Variants in KLHL14 observed in about 807,000 individuals in gnomAD.
The protein encoded by KLHL14 is kelch-like protein 14.
A neutral mutation model predicts 64.3 loss-of-function variants in KLHL14; 22 were observed. The observed-to-expected ratio is 0.34, with a 90% CI of 0.24 to 0.49. The LOEUF (loss-of-function observed/expected upper bound fraction) is 0.49, where lower values mean the gene tolerates loss of function less well. Among genes scored for constraint, KLHL14 ranks in the 20% least tolerant of loss-of-function variants. The probability of loss-of-function intolerance (pLI) is 0.99; values close to 1 mark genes in which losing one functional copy is unlikely to be tolerated. For synonymous variants in KLHL14, 322 were observed against 333.4 expected (o/e 0.97, Z 0.37); for missense variants, 661 against 789.0 (o/e 0.84, Z 1.94).
chr18:32,685,236 G>C (rs2049871276), intron 5 of KLHL14, among the ~76,000 whole-genome samples: 1 of 152,092 alleles, frequency 6.6e-6, no homozygotes, highest in Non-Finnish European at 1.5e-5. Context: ...GTGCCTCAGA[G>C]GAAGTCATTA....
chr18:32,708,337 G>C (rs17665504), intron 3 of KLHL14, among the ~76,000 whole-genome samples: 31,410 of 152,050 alleles, frequency 0.21, 3,779 homozygotes, highest in Non-Finnish European at 0.27. Flanking sequence ...ATTCCATAGG[G>C]ACATTTGCAA....
At chr18:32,728,248 G>A (rs2050117339) in intron 3 of KLHL14, among the ~76,000 whole-genome samples, 1 of 152,144 alleles carries the variant, frequency 6.6e-6, no homozygotes, top group African/African-American at 2.4e-5. Flanking sequence ...GTTAACTACA[G>A]TAATGAGAAA....
At chr18:32,714,720 T>C (rs992799556) in intron 3 of KLHL14, among the ~76,000 whole-genome samples, 1 of 152,110 alleles carries the variant, frequency 6.6e-6, no homozygotes, top group Non-Finnish European at 1.5e-5. Flanking sequence ...ACTGCAGCAA[T>C]TTTGAACTGA....
chr18:32,727,756 A>G (rs76684083), intron 3 of KLHL14, among the ~76,000 whole-genome samples: 1 of 152,380 alleles, frequency 6.6e-6, no homozygotes, highest in Non-Finnish European at 1.5e-5. Flanking sequence ...GTTAATGATT[A>G]TGGTAATGAA....
chr18:32,739,167 T>G (rs2144527688), intron 3 of KLHL14, among the ~76,000 whole-genome samples: 1 of 152,242 alleles, frequency 6.6e-6, no homozygotes, highest in East Asian at 1.9e-4. Context: ...GGGGACTGTC[T>G]CCTACCTTTA....
At chr18:32,688,543 G>A (rs1320512532) in intron 4 of KLHL14, among the ~76,000 whole-genome samples, 1 of 152,220 alleles carries the variant, frequency 6.6e-6, no homozygotes. Flanking sequence ...GCTCACAGAT[G>A]TCTTCTGCAA....
chr18:32,715,085 A>G (rs951352815), intron 3 of KLHL14, among the ~76,000 whole-genome samples: 3 of 152,170 alleles, frequency 2.0e-5, no homozygotes, highest in Non-Finnish European at 4.4e-5. Flanking sequence ...AGAAACTCAT[A>G]TGTACAGACA....
chr18:32,741,901 G>GAATA (rs766221859), intron 3 of KLHL14, 27 bp downstream of exon 3: 6 of 1,537,584 alleles, frequency 3.9e-6, no homozygotes, highest in South Asian at 2.5e-5. Flanking sequence ...ATAGGTGAGT[G>GAATA]AATAAATAAA....
chr18:32,762,458 C>T (rs764728931), intron 2 of KLHL14, among the ~76,000 whole-genome samples: 8 of 151,894 alleles, frequency 5.3e-5, no homozygotes, highest in Non-Finnish European at 7.4e-5. Flanking sequence ...TTGCATTTTT[C>T]TTACTTCTTG....
chr18:32,683,802 G>A lies in KLHL14; in HGVS notation c.1239-3203C>T, dbSNP rs528438167. 1.3e-5 allele frequency among the ~76,000 whole-genome samples: 2 copies of A among 152,224 alleles called. No individual in the cohort carries two copies. The highest frequency in any genetic ancestry group is 1.9e-4 in the East Asian group (1 of 5,178). On this transcript the variant is annotated intron_variant, in intron 5 of 8. Transcript: ENST00000359358. The surrounding 1 kb of genome is among the most constrained non-coding windows in gnomAD (Gnocchi z 4.2). ...AGTTTATATCCTAAAGCATGAGATTGGATTACTATATCCTTACCCTGCTTG... is the reference window on the plus strand; with the variant it reads ...AGTTTATATCCTAAAGCATGAGATTAGATTACTATATCCTTACCCTGCTTG...
rs747426965 is a variant in KLHL14 at position 32,769,940 on chromosome 18, A to G, written c.652T>C (p.Phe218Leu). 6 of 1,614,014 alleles carry G rather than the reference A, an allele frequency of 3.7e-6. No individual in the cohort carries two copies. Among genetic ancestry groups the G allele is most frequent in the Non-Finnish European group, 5.1e-6 (6 of 1,180,030 alleles). ...YLVEDVLLLN[F>L]EEMRALLDSL... ...TCCAGCAGGGCGCGCATCTCCTCGA[A>G]GTTGAGCAGCAGCACATCCTCCACC... is the stretch of plus-strand genomic sequence containing the variant. The change falls in exon 2 of 9, where the codon TTC becomes CTC. Residue 218 changes from phenylalanine (F) to leucine (L), a missense_variant. By Grantham distance (22) the Phe-to-Leu change is conservative. Coordinates refer to ENST00000359358, the MANE Select transcript of KLHL14 (RefSeq NM_020805.3).
chr18:32,769,729 G>A lies in KLHL14; in HGVS notation c.863C>T (p.Pro288Leu), dbSNP rs1176381859. 2 of 1,595,054 alleles carry A rather than the reference G, an allele frequency of 1.3e-6. No individual in the cohort carries two copies. Among genetic ancestry groups the A allele is most frequent in the Non-Finnish European group, 1.7e-6 (2 of 1,168,602 alleles). ...GTCCAGCAGCAGCTTCTGGCAGACC[G>A]GGTCGGTTCGCATGAAATCCACTGA... ...VQSVDFMRTD[P>L]VCQKLLLDAM... Residue 288 changes from proline to leucine, a missense_variant, in exon 2 of 9, where the codon CCG becomes CTG. By Grantham distance (98) the Pro-to-Leu change is moderately conservative. Transcript: ENST00000359358.
At chr18:32,739,551 T>C (rs2050184231) in intron 3 of KLHL14, among the ~76,000 whole-genome samples, 1 of 151,988 alleles carries the variant, frequency 6.6e-6, no homozygotes, top group African/African-American at 2.4e-5. Context: ...CATTGTTAAG[T>C]AGAGTAAACA....
At chr18:32,771,835 T>C (rs989712685) in intron 1 of KLHL14, among the ~76,000 whole-genome samples, 190 of 152,018 alleles carry the variant, frequency 1.2e-3, no homozygotes, top group African/African-American at 4.4e-3. Flanking sequence ...GCGGGGTCTC[T>C]GCGCCCCACC....
At chr18:32,754,467 T>A (rs2050271740) in intron 2 of KLHL14, among the ~76,000 whole-genome samples, 1 of 152,220 alleles carries the variant, frequency 6.6e-6, no homozygotes, top group South Asian at 2.1e-4. Context: ...GGATGCAACA[T>A]CTTTCCACTA....
intron 2 of KLHL14, among the ~76,000 whole-genome samples, chr18:32,766,031 T>TG (rs2050341739): frequency 6.6e-6 from 1 of 152,114 alleles, no homozygotes; most frequent in Non-Finnish European, 1.5e-5. Flanking sequence ...AGGTGTTTTC[T>TG]TGGAGAAGGT....
rs1024322222 is a variant in KLHL14 at position 32,769,867 on chromosome 18, G to C, written c.725C>G (p.Ser242Cys). 3 of 1,613,898 alleles carry C rather than the reference G, an allele frequency of 1.9e-6. No homozygotes were observed. Among genetic ancestry groups the C allele is most frequent in the Admixed American group, 1.7e-5 (1 of 60,006 alleles). The stretch of plus-strand genomic sequence containing the variant: ...GCGGTCGTGCTCCAGCCACAGCACG[G>C]ACATCTGGAAGAGCGCCAGCTCCGA... ...VESELALFQM[S>C]VLWLEHDRET... is the part of the protein sequence containing the mutation. Residue 242 changes from serine to cysteine, a missense_variant, in exon 2 of 9, where the codon TCC becomes TGC. Physicochemically the swap from Ser to Cys is moderately radical, Grantham distance 112. Around this residue, in one of 2 missense-constraint regions of KLHL14, gnomAD observed 331 missense variants for 339.0 expected, o/e 0.98. Coordinates refer to ENST00000359358, the MANE Select transcript of KLHL14 (RefSeq NM_020805.3).
At chr18:32,729,376 G>A (rs2050124582) in intron 3 of KLHL14, among the ~76,000 whole-genome samples, 1 of 152,094 alleles carries the variant, frequency 6.6e-6, no homozygotes, top group African/African-American at 2.4e-5. Context: ...TCAGTTATAC[G>A]AGCCATATTT....
intron 3 of KLHL14, among the ~76,000 whole-genome samples, chr18:32,702,848 C>T (rs2049973189): frequency 6.6e-6 from 1 of 152,112 alleles, no homozygotes; most frequent in Non-Finnish European, 1.5e-5. Context: ...CATACCAAGC[C>T]AGATTTTCAT....
Sources: allele counts gnomAD v4.1 joint callset (sites outside exome capture counted in the v4.1 genomes callset), GRCh38; gene constraint gnomAD v4.1.1; regional missense constraint gnomAD v4.1.1; non-coding constraint Gnocchi (gnomAD v3.1); transcripts MANE v1.5; gene names NCBI Gene and HGNC (gene_info 2026-07-23, HGNC 2026-07-21).